The following RYR1 variants were observed in gnomAD, a reference collection of about 807,000 sequenced individuals.
RYR1 encodes the protein central core disease of muscle.
Under a neutral mutation model 583.5 loss-of-function variants are expected in RYR1, and 342 were observed. The observed-to-expected ratio is 0.59, with a 90% CI of 0.54 to 0.64. The LOEUF (loss-of-function observed/expected upper bound fraction) is 0.64. Ranked by LOEUF, RYR1 falls within the 30% of genes least tolerant of loss-of-function variation. RYR1 has a pLI of 0.00. For synonymous variants in RYR1, 2,791 were observed against 2,822.5 expected, an observed-to-expected ratio of 0.99 and a Z score of 0.35; for missense variants, 6,032 against 6,917.2, an observed-to-expected ratio of 0.87 and a Z score of 4.54.
intron 1 of RYR1, among the ~76,000 whole-genome samples, chr19:38,439,373 A>AT (rs1485680667): frequency 6.6e-6 from 1 of 151,994 alleles, no homozygotes; most frequent in Non-Finnish European, 1.5e-5. Context: ...GTAATTTTGT[A>AT]TTTTTAGTAG....
intron 73 of RYR1, 163 bp downstream of exon 73, chr19:38,527,947 G>T (rs1245235886): frequency 1.3e-6 from 1 of 759,658 alleles, no homozygotes; most frequent in South Asian, 1.8e-5. Flanking sequence ...TGGATCGGGG[G>T]AGGGGTCTGC....
chr19:38,519,147 T>A, intron 66 of RYR1, 67 bp from the exon 67 acceptor site: 7 of 1,612,616 alleles, frequency 4.3e-6, no homozygotes, highest in Non-Finnish European at 5.9e-6. Context: ...GGAGTCGGGC[T>A]GGGAACGGAG....
At chr19:38,508,984 G>A (rs1392432956) in intron 58 of RYR1, among the ~76,000 whole-genome samples, 1 of 152,106 alleles carries the variant, frequency 6.6e-6, no homozygotes, top group Non-Finnish European at 1.5e-5. Context: ...GTGCCCCCCA[G>A]TGCCTCTTAC....
At chr19:38,471,521 C>T (rs1968417418) in intron 27 of RYR1, among the ~76,000 whole-genome samples, 1 of 151,966 alleles carries the variant, frequency 6.6e-6, no homozygotes. Flanking sequence ...CAGAGCAAGA[C>T]CTGTCTCTAA....
Position 38,565,383 on chromosome 19 carries a change from C to T in RYR1, c.13049C>T (p.Ala4350Val). The change falls in exon 91 of 106, where the codon GCG (alanine) becomes GTG (valine). Residue 4350 changes from alanine to valine, a missense_variant. Transcript: ENST00000359596. This position sits in a 1 kb window ranked among gnomAD's most constrained non-coding sequence, Gnocchi z 4.7. The stretch of plus-strand genomic sequence containing the variant: ...CGCGCTGGGGCCGCTGGCGCGGGGG[C>T]GGCGGCGGGCGCGCTGGGCCTGCTC... ...VTRAGAAGAG[A>V]AAGALGLLWG... The T allele has an allele frequency of 2.2e-6, 3 of 1,348,742 alleles. No homozygotes were observed. The highest frequency in any genetic ancestry group is 9.4e-7 in the Non-Finnish European group (1 of 1,059,356). 83.5% of individuals were successfully genotyped at this position (1,348,742 alleles called of 1,614,324 possible).
Position 38,496,416 on chromosome 19 carries a change from G to A in RYR1, c.6671G>A (p.Arg2224His), listed in dbSNP as rs537994744. 57 of 1,613,814 alleles carry A rather than the reference G, an allele frequency of 3.5e-5. No individual in the cohort carries two copies. Among genetic ancestry groups the A allele is most frequent in the Middle Eastern group, 1.6e-4 (1 of 6,062 alleles). ...CCACCCTGCCTGTCCCAGGAGATCC[G>A]CTTCCCCAAGATGGTGACAAGCTGC... ...VLGGGESKEI[R>H]FPKMVTSCCR... Residue 2224 changes from arginine (R) to histidine (H), a missense_variant, in exon 41 of 106, where the codon CGC (arginine) becomes CAC (histidine). Around this residue, in one of 11 missense-constraint regions of RYR1, gnomAD observed 2,627 missense variants for 2,961.3 expected, o/e 0.89. Transcript: ENST00000359596. This position sits in a 1 kb window ranked among gnomAD's most constrained non-coding sequence, Gnocchi z 4.8.
chr19:38,576,892 G>GT (rs1027188906), intron 97 of RYR1, among the ~76,000 whole-genome samples: 1 of 151,904 alleles, frequency 6.6e-6, no homozygotes, highest in African/African-American at 2.4e-5. Flanking sequence ...CTTTTCTTTT[G>GT]TTTTTTTCTT....
chr19:38,523,851 G>T, intron 69 of RYR1, 64 bp from the exon 70 acceptor site: 2 of 1,612,226 alleles, frequency 1.2e-6, no homozygotes, highest in South Asian at 1.1e-5. Context: ...TTGGAGTTGG[G>T]CCTGGGCTTC....
chr19:38,492,839 C>T (rs1969618898), intron 38 of RYR1, among the ~76,000 whole-genome samples: 1 of 151,864 alleles, frequency 6.6e-6, no homozygotes, highest in South Asian at 2.1e-4. Flanking sequence ...GAGGCTGAGG[C>T]GGGTGGATCA....
intron 37 of RYR1, among the ~76,000 whole-genome samples, chr19:38,491,434 CTTTT>C (rs112294433): frequency 7.3e-6 from 1 of 136,194 alleles, no homozygotes; most frequent in African/African-American, 2.7e-5. Flanking sequence ...TTTCATTTTG[CTTTT>C]TTTTTTTTTT....
chr19:38,551,646 C>T (rs1972670923), intron 89 of RYR1, among the ~76,000 whole-genome samples: 1 of 152,148 alleles, frequency 6.6e-6, no homozygotes. Flanking sequence ...CCAAGATCAT[C>T]AGTGACCTCT....
At chr19:38,497,158 G>A (rs985443662) in intron 42 of RYR1, among the ~76,000 whole-genome samples, 19 of 152,030 alleles carry the variant, frequency 1.2e-4, no homozygotes, top group African/African-American at 2.2e-4. Context: ...GGGCCGGTCC[G>A]CACTCCACGC....
At chr19:38,514,794 C>CA (rs1872884729) in intron 63 of RYR1, among the ~76,000 whole-genome samples, 2 of 152,006 alleles carry the variant, frequency 1.3e-5, no homozygotes, top group Admixed American at 6.6e-5. Context: ...ATTTGATACT[C>CA]ACGACCACCC....
chr19:38,581,992 C>T (rs1268959251), intron 101 of RYR1, among the ~76,000 whole-genome samples: 2 of 152,174 alleles, frequency 1.3e-5, no homozygotes, highest in East Asian at 3.9e-4. Flanking sequence ...GATTTTGGGG[C>T]AGGCTACTCA....
At position 38,478,505 on chromosome 19, in the gene RYR1, A is replaced by G. The variant is rs1233132863; in HGVS notation, c.4525A>G (p.Ser1509Gly). Reference protein sequence around the residue: ...FVSPGQQGRISHTDLVIGCLV... With the variant: ...FVSPGQQGRIGHTDLVIGCLV... Reference sequence around the variant, plus strand: ...GAGTCCCGGGCAGCAGGGCCGGATCAGCCACACGGACCTTGTCATTGGGTG... The same window carrying G: ...GAGTCCCGGGCAGCAGGGCCGGATCGGCCACACGGACCTTGTCATTGGGTG... Residue 1509 changes from serine (S) to glycine (G), a missense_variant, in exon 31 of 106, where the codon AGC (serine) becomes GGC (glycine). Physicochemically the swap from Ser to Gly is moderately conservative, Grantham distance 56. Around this residue, in one of 11 missense-constraint regions of RYR1, gnomAD observed 2,627 missense variants for 2,961.3 expected, o/e 0.89. Transcript: ENST00000359596. The G allele has an allele frequency of 6.2e-7, 1 of 1,614,162 alleles. No homozygotes were observed. The highest frequency in any genetic ancestry group is 2.2e-5 in the East Asian group (1 of 44,886).
intron 38 of RYR1, among the ~76,000 whole-genome samples, chr19:38,493,552 G>A (rs1195360944): frequency 2.7e-5 from 4 of 145,666 alleles, no homozygotes; most frequent in Non-Finnish European, 4.5e-5. Flanking sequence ...GTCTCACTGC[G>A]TCGCCCAGGC....
chr19:38,441,934 C>A (rs1440273432), intron 2 of RYR1, among the ~76,000 whole-genome samples: 5 of 151,328 alleles, frequency 3.3e-5, no homozygotes, highest in Non-Finnish European at 2.9e-5. Context: ...GTGGGGCTTC[C>A]TTTGGGGTTG....
rs145733990 is a variant in RYR1, at chr19:38,504,242, G to A, written c.7949G>A (p.Arg2650His). The A allele has an allele frequency of 1.4e-5, 22 of 1,613,676 alleles. No homozygotes were observed. The highest frequency in any genetic ancestry group is 4.4e-5 in the South Asian group (4 of 91,014). ...PLKLLTNHYE[R>H]CWKYYCLPTG... is the part of the protein sequence containing the mutation. ...CAGCTCCTCACCAACCACTATGAGC[G>A]CTGTTGGAAGTACTACTGCCTACCC... The change falls in exon 50 of 106, where the codon CGC becomes CAC. Residue 2650 changes from arginine to histidine, a missense_variant. Physicochemically the swap from Arg to His is conservative, Grantham distance 29. Coordinates refer to ENST00000359596, the MANE Select transcript of RYR1 (RefSeq NM_000540.3).
intron 50 of RYR1, 67 bp from the exon 51 acceptor site, chr19:38,504,681 T>A: frequency 6.3e-7 from 1 of 1,599,008 alleles, no homozygotes; most frequent in Non-Finnish European, 8.6e-7. Context: ...AGTGTGTGAG[T>A]TTGAGGTCCT....
Sources: gnomAD v4.1 joint callset for allele counts (sites outside exome capture counted in the v4.1 genomes callset) on GRCh38, gnomAD v4.1.1 for gene constraint, gnomAD v4.1.1 regional missense constraint, Gnocchi (gnomAD v3.1) non-coding constraint, MANE v1.5 for transcripts, NCBI Gene and HGNC (gene_info 2026-07-23, HGNC 2026-07-21) for gene names.